SCMH1: variants seen among roughly 807,000 people sequenced by gnomAD.
The protein encoded by SCMH1 is polycomb protein SCMH1.
A neutral mutation model predicts 70.8 loss-of-function variants in SCMH1; 37 were observed. The observed-to-expected ratio is 0.52, with a 90% CI of 0.40 to 0.69. The LOEUF (loss-of-function observed/expected upper bound fraction) is 0.69. SCMH1 is among the 30% of genes least tolerant of loss of function. SCMH1 has a pLI of 0.00. For missense variants in SCMH1, 607 were observed against 827.3 expected, an observed-to-expected ratio of 0.73 and a Z score of 3.27; for synonymous variants, 292 against 307.4, an observed-to-expected ratio of 0.95 and a Z score of 0.52.
Position 41,113,557 on chromosome 1 carries a change from G to A in SCMH1, c.502-31C>T. On this transcript the variant is annotated intron_variant, in intron 7 of 14. Transcript: ENST00000337495. This position sits in a 1 kb window ranked among gnomAD's most constrained non-coding sequence, Gnocchi z 4.3. The stretch of plus-strand genomic sequence containing the variant: ...TGAGAAACAGAAACATACACACCTA[G>A]ACACAAAGAGAGGCCATTATGCCAA... 3 of 1,583,784 alleles carry A rather than the reference G, an allele frequency of 1.9e-6. No homozygotes were observed. The South Asian group carries it at 3.5e-5, about 18-fold the overall frequency.
intron 1 of SCMH1, among the ~76,000 whole-genome samples, chr1:41,227,828 A>C (rs2148884655): frequency 6.6e-6 from 1 of 152,192 alleles, no homozygotes; most frequent in Admixed American, 6.5e-5. Flanking sequence ...AATACAAAAA[A>C]TTCGCCAGGC....
chr1:41,060,929 C>A (rs937738183), intron 10 of SCMH1, among the ~76,000 whole-genome samples: 1 of 152,188 alleles, frequency 6.6e-6, no homozygotes, highest in African/African-American at 2.4e-5. Flanking sequence ...GTGATCAATC[C>A]TCCCAACTCG....
At chr1:41,185,426 A>G (rs1313799809) in intron 2 of SCMH1, among the ~76,000 whole-genome samples, 1 of 151,712 alleles carries the variant, frequency 6.6e-6, no homozygotes, top group Non-Finnish European at 1.5e-5. Flanking sequence ...GGCTCAAGCA[A>G]TTGGCCCACT....
chr1:41,163,834 C>T (rs1646233786), intron 2 of SCMH1, among the ~76,000 whole-genome samples: 1 of 152,126 alleles, frequency 6.6e-6, no homozygotes, highest in Non-Finnish European at 1.5e-5. Context: ...TAGAAAAAAA[C>T]ATATAAGTAA....
intron 10 of SCMH1, among the ~76,000 whole-genome samples, chr1:41,056,537 T>G (rs1201671409): frequency 6.6e-6 from 1 of 152,120 alleles, no homozygotes; most frequent in Admixed American, 6.5e-5. Flanking sequence ...CATAAGGAGT[T>G]TGGAAGTTGC....
At chr1:41,167,933 T>C (rs55675230) in intron 2 of SCMH1, among the ~76,000 whole-genome samples, 1,762 of 148,286 alleles carry the variant, frequency 0.012, 43 homozygotes, top group African/African-American at 0.042. Context: ...TTTTTTCCTT[T>C]CAGGGTTTTG....
intron 10 of SCMH1, among the ~76,000 whole-genome samples, chr1:41,050,205 C>T (rs1014953020): frequency 6.6e-6 from 1 of 152,208 alleles, no homozygotes; most frequent in African/African-American, 2.4e-5. Context: ...GAGTTGTTCT[C>T]TCCTCAGGAC....
At chr1:41,120,896 C>T (rs988292408) in intron 6 of SCMH1, among the ~76,000 whole-genome samples, 1 of 152,166 alleles carries the variant, frequency 6.6e-6, no homozygotes, top group Non-Finnish European at 1.5e-5. Flanking sequence ...TTTTATTACA[C>T]TATGTTGCCT....
chr1:41,188,766 C>A (rs1650922812), intron 1 of SCMH1, among the ~76,000 whole-genome samples: 1 of 111,762 alleles, frequency 8.9e-6, no homozygotes, highest in Non-Finnish European at 1.8e-5. Context: ...AACTTAGTTA[C>A]AAATTATCAC....
At chr1:41,216,065 T>C (rs1268389477) in intron 1 of SCMH1, among the ~76,000 whole-genome samples, 1 of 152,196 alleles carries the variant, frequency 6.6e-6, no homozygotes, top group East Asian at 1.9e-4. Context: ...AGAAGGTTCA[T>C]TACTTTCATA....
At chr1:41,041,706 AACCAC>A (rs1161189897) in intron 12 of SCMH1, 1 of 152,172 alleles carries the variant, frequency 6.6e-6, no homozygotes, top group Non-Finnish European at 1.5e-5. Context: ...ATTTGGCTTT[AACCAC>A]TGTGAATCTT....
chr1:41,075,310 T>C (rs1317761858), exon 9 of SCMH1: 22 of 1,614,092 alleles, frequency 1.4e-5, no homozygotes, highest in Admixed American at 1.7e-5. Context: ...AATTAGGGTC[T>C]TGGGTGTCCG....
intron 8 of SCMH1, among the ~76,000 whole-genome samples, chr1:41,091,175 AG>A (rs1249570295): frequency 6.6e-6 from 1 of 152,198 alleles, no homozygotes; most frequent in Non-Finnish European, 1.5e-5. Context: ...CATGTCAAAA[AG>A]CTTATACATC....
chr1:41,214,264 A>T (rs1472386442), intron 1 of SCMH1, among the ~76,000 whole-genome samples: 2 of 152,168 alleles, frequency 1.3e-5, no homozygotes, highest in African/African-American at 4.8e-5. Flanking sequence ...TATCCAAGAA[A>T]GTGACTCTAT....
intron 7 of SCMH1, among the ~76,000 whole-genome samples, chr1:41,115,593 A>G (rs1291945367): frequency 1.3e-5 from 2 of 151,678 alleles, no homozygotes; most frequent in Non-Finnish European, 2.9e-5. Context: ...ACGTGCCACC[A>G]CTCTTAGCTA....
intron 6 of SCMH1, among the ~76,000 whole-genome samples, chr1:41,141,116 T>G (rs960487798): frequency 2.0e-5 from 3 of 152,208 alleles, no homozygotes; most frequent in African/African-American, 4.8e-5. Flanking sequence ...AACTAAATAG[T>G]TGATGAAAGT....
intron 2 of SCMH1, among the ~76,000 whole-genome samples, chr1:41,175,206 A>G (rs1350119632): frequency 6.6e-6 from 1 of 152,242 alleles, no homozygotes; most frequent in Non-Finnish European, 1.5e-5. Flanking sequence ...GCATTATCCA[A>G]TCCACTGAGG....
chr1:41,232,609 T>C (rs1165739223), intron 1 of SCMH1, among the ~76,000 whole-genome samples: 1 of 152,222 alleles, frequency 6.6e-6, no homozygotes, highest in Non-Finnish European at 1.5e-5. Context: ...ATAAACTGCA[T>C]AATCTTGGCC....
chr1:41,080,425 GA>G (rs61364234), intron 8 of SCMH1, among the ~76,000 whole-genome samples: 1 of 150,142 alleles, frequency 6.7e-6, no homozygotes, highest in African/African-American at 2.4e-5. Context: ...ATAGTTACAA[GA>G]AAAAAAAACT....
Sources: gnomAD v4.1 joint callset for allele counts (sites outside exome capture counted in the v4.1 genomes callset) on GRCh38, gnomAD v4.1.1 for gene constraint, Gnocchi (gnomAD v3.1) non-coding constraint, MANE v1.5 for transcripts, NCBI Gene and HGNC (gene_info 2026-07-23, HGNC 2026-07-21) for gene names.